The following CSMD1 variants were observed in gnomAD, a reference collection of about 807,000 sequenced individuals.
The protein encoded by CSMD1 is CUB and Sushi multiple domains 1, also known as CUB and sushi domain-containing protein 1.
Under a neutral mutation model 417.5 loss-of-function variants are expected in CSMD1, and 213 were observed. The observed-to-expected ratio is 0.51, with a 90% CI of 0.46 to 0.57. The LOEUF (loss-of-function observed/expected upper bound fraction) is 0.57, where lower values mean the gene tolerates loss of function less well. Among genes scored for constraint, CSMD1 ranks in the 20% least tolerant of loss-of-function variants. The probability of loss-of-function intolerance (pLI) is 0.00; values close to 1 mark genes in which losing one functional copy is unlikely to be tolerated. For synonymous variants in CSMD1, 2,862 were observed against 1,736.8 expected, an observed-to-expected ratio of 1.65 and a Z score of -16.11; for missense variants, 6,923 against 4,529.7, an observed-to-expected ratio of 1.53 and a Z score of -15.17.
intron 5 of CSMD1, among the ~76,000 whole-genome samples, chr8:3,823,501 C>T (rs1250482086): frequency 6.6e-6 from 1 of 152,028 alleles, no homozygotes; most frequent in East Asian, 1.9e-4. Flanking sequence ...TTAGCTTATG[C>T]TTGAATCAAA....
chr8:4,593,224 A>C (rs1368691340), intron 2 of CSMD1, among the ~76,000 whole-genome samples: 1 of 152,216 alleles, frequency 6.6e-6, no homozygotes, highest in Non-Finnish European at 1.5e-5. Flanking sequence ...GCTGCTGCTG[A>C]AAAGCAAGGT....
Position 4,418,652 on chromosome 8 carries a change from C to G in CSMD1, c.415+1301G>C, listed in dbSNP as rs999752678. ...GCTTTAGAGATGCTTTTGTAATATT[C>G]TGCAAAAAATGAAATGATGTGAATT... On this transcript the variant is annotated intron_variant, in intron 3 of 69. Coordinates refer to ENST00000635120, the MANE Select transcript of CSMD1 (RefSeq NM_033225.6). Among the ~76,000 whole-genome samples, 4 of 152,086 alleles carry G rather than the reference C, an allele frequency of 2.6e-5. No homozygotes were observed. In the East Asian group the frequency reaches 5.8e-4, roughly 22 times the overall value.
chr8:4,360,710 G>T (rs891846853), intron 3 of CSMD1, among the ~76,000 whole-genome samples: 1 of 152,100 alleles, frequency 6.6e-6, no homozygotes, highest in Non-Finnish European at 1.5e-5. Flanking sequence ...AGCCAGGATG[G>T]TCTCCGATCT....
At chr8:2,965,250 C>G (rs927111791) in intron 59 of CSMD1, among the ~76,000 whole-genome samples, 1 of 152,268 alleles carries the variant, frequency 6.6e-6, no homozygotes, top group Admixed American at 6.5e-5. Context: ...CCAGAGGGTC[C>G]AGTCACATAA....
At chr8:4,303,781 G>A (rs556664724) in intron 3 of CSMD1, among the ~76,000 whole-genome samples, 13 of 151,828 alleles carry the variant, frequency 8.6e-5, no homozygotes, top group Non-Finnish European at 1.6e-4. Flanking sequence ...TCAGCCTCCT[G>A]AGTAGCTGGG....
intron 5 of CSMD1, among the ~76,000 whole-genome samples, chr8:3,894,480 T>C (rs948752590): frequency 1.3e-5 from 2 of 152,160 alleles, no homozygotes; most frequent in African/African-American, 4.8e-5. Context: ...ACCTCAAATA[T>C]AGAACTACAA....
chr8:4,845,284 T>G (rs1801078184), intron 1 of CSMD1, among the ~76,000 whole-genome samples: 1 of 152,214 alleles, frequency 6.6e-6, no homozygotes, highest in Admixed American at 6.5e-5. Flanking sequence ...TTTTTCGATT[T>G]AGAAAACGAA....
intron 3 of CSMD1, among the ~76,000 whole-genome samples, chr8:4,406,601 A>G (rs552390022): frequency 1.3e-5 from 2 of 152,190 alleles, no homozygotes; most frequent in Middle Eastern, 3.4e-3. Context: ...AGACACCCAC[A>G]CCAAGGAAAG....
At chr8:4,236,534 C>T (rs1802074764) in intron 3 of CSMD1, among the ~76,000 whole-genome samples, 1 of 152,138 alleles carries the variant, frequency 6.6e-6, no homozygotes, top group South Asian at 2.1e-4. Context: ...AGCGAGATTT[C>T]ATGTGACTTA....
At chr8:3,062,553 A>G (rs1229555874) in intron 49 of CSMD1, among the ~76,000 whole-genome samples, 1 of 137,320 alleles carries the variant, frequency 7.3e-6, no homozygotes, top group East Asian at 1.9e-4. Context: ...AAAACAAAAC[A>G]CATTAAAAAA....
At chr8:4,880,689 C>T (rs967861102) in intron 1 of CSMD1, among the ~76,000 whole-genome samples, 4 of 152,004 alleles carry the variant, frequency 2.6e-5, no homozygotes, top group Non-Finnish European at 4.4e-5. Context: ...TCTGCCGTGC[C>T]TGTTCTGCCC....
chr8:4,677,295 G>A (rs1288450898), intron 1 of CSMD1, among the ~76,000 whole-genome samples: 1 of 151,788 alleles, frequency 6.6e-6, no homozygotes, highest in Non-Finnish European at 1.5e-5. Flanking sequence ...AGAAATTAAA[G>A]TGAAGAAAGA....
chr8:3,724,482 T>C (rs985502937), intron 6 of CSMD1, among the ~76,000 whole-genome samples: 2 of 152,156 alleles, frequency 1.3e-5, no homozygotes, highest in Non-Finnish European at 2.9e-5. Flanking sequence ...TATTGGTAGC[T>C]ATATAACCTT....
intron 7 of CSMD1, among the ~76,000 whole-genome samples, chr8:3,635,150 G>C (rs1045684953): frequency 6.6e-6 from 1 of 152,118 alleles, no homozygotes; most frequent in African/African-American, 2.4e-5. Flanking sequence ...GTGAGTGCGT[G>C]TGAAGGCCAA....
chr8:4,966,470 C>A (rs574754726), intron 1 of CSMD1, among the ~76,000 whole-genome samples: 1 of 152,132 alleles, frequency 6.6e-6, no homozygotes, highest in South Asian at 2.1e-4. Flanking sequence ...ACCATCACTT[C>A]CAGATCTCAA....
chr8:4,860,476 G>A (rs1190864649), intron 1 of CSMD1, among the ~76,000 whole-genome samples: 2 of 151,742 alleles, frequency 1.3e-5, no homozygotes, highest in African/African-American at 2.4e-5. Flanking sequence ...CATGTAATTT[G>A]CTGGCTCCCT....
chr8:3,261,600 T>G (rs1421722775), intron 26 of CSMD1, among the ~76,000 whole-genome samples: 1 of 152,150 alleles, frequency 6.6e-6, no homozygotes, highest in African/African-American at 2.4e-5. Flanking sequence ...ATTACCCAGG[T>G]GTCCTTCGGC....
intron 37 of CSMD1, among the ~76,000 whole-genome samples, chr8:3,166,163 G>C (rs1428394779): frequency 6.6e-6 from 1 of 151,864 alleles, no homozygotes; most frequent in Admixed American, 6.6e-5. Flanking sequence ...TCTCTTTTTA[G>C]ACTTTTAAAA....
At chr8:4,253,940 G>A (rs1414685946) in intron 3 of CSMD1, among the ~76,000 whole-genome samples, 10 of 108,998 alleles carry the variant, frequency 9.2e-5, no homozygotes, top group Non-Finnish European at 1.4e-4. Context: ...TTTTTGAGAT[G>A]GAGTCTTGCT....
Sources: allele counts gnomAD v4.1 joint callset (sites outside exome capture counted in the v4.1 genomes callset), GRCh38; gene constraint gnomAD v4.1.1; transcripts MANE v1.5; gene names NCBI Gene and HGNC (gene_info 2026-07-23, HGNC 2026-07-21).